Variants in DNAI2 observed in about 807,000 individuals in gnomAD.
DNAI2 encodes the protein dynein, axonemal, intermediate polypeptide 2.
A neutral mutation model predicts 74.7 loss-of-function variants in DNAI2; 63 were observed. The ratio of observed to expected loss-of-function variants is 0.84; its 90% CI spans 0.69 to 1.04. DNAI2 has a LOEUF of 1.04. Among genes scored for constraint, DNAI2 ranks in the 50% least tolerant of loss-of-function variants. The pLI is 0.00. For synonymous variants in DNAI2, 289 were observed against 314.9 expected, an observed-to-expected ratio of 0.92 and a Z score of 0.87; for missense variants, 688 against 803.2, an observed-to-expected ratio of 0.86 and a Z score of 1.73.
chr17:74,281,895 G>C lies in DNAI2; in HGVS notation c.78G>C (p.Glu26Asp), dbSNP rs372357313. Residue 26 changes from glutamate to aspartate, a missense_variant, in exon 2 of 14, where the codon GAG (glutamate) becomes GAC (aspartate). Transcript: ENST00000311014. ...GCAATTTCTCGGACCGCCAGGCCGA[G>C]CTGAACATCGACATCATGCCCAACC... ...KQCNFSDRQA[E>D]LNIDIMPNPE... 23 of 1,614,056 alleles carry C rather than the reference G, an allele frequency of 1.4e-5. No homozygotes were observed. Among genetic ancestry groups the C allele is most frequent in the Non-Finnish European group, 1.9e-5 (22 of 1,180,048 alleles).
chr17:74,278,907 C>A (rs1279818926), intron 1 of DNAI2, among the ~76,000 whole-genome samples: 2 of 152,252 alleles, frequency 1.3e-5, no homozygotes, highest in Non-Finnish European at 2.9e-5. Context: ...GTGGCTCACG[C>A]CTGTAATCCC....
chr17:74,280,907 C>G (rs1284583966), intron 1 of DNAI2, among the ~76,000 whole-genome samples: 1 of 151,690 alleles, frequency 6.6e-6, no homozygotes, highest in South Asian at 2.1e-4. Context: ...GGTAAAATGG[C>G]GAGACCCCAT....
intron 8 of DNAI2, among the ~76,000 whole-genome samples, chr17:74,302,342 C>A (rs377168200): frequency 6.6e-6 from 1 of 152,018 alleles, no homozygotes; most frequent in Non-Finnish European, 1.5e-5. Context: ...CCAAGGCGGG[C>A]GGATCACCTG....
At chr17:74,280,471 G>A (rs1024581677) in intron 1 of DNAI2, among the ~76,000 whole-genome samples, 1 of 152,194 alleles carries the variant, frequency 6.6e-6, no homozygotes, top group African/African-American at 2.4e-5. Flanking sequence ...TTTCCCAAAG[G>A]CCTCCATGTC....
At chr17:74,296,934 G>A (rs992484975) in intron 6 of DNAI2, among the ~76,000 whole-genome samples, 1 of 152,110 alleles carries the variant, frequency 6.6e-6, no homozygotes, top group Non-Finnish European at 1.5e-5. Flanking sequence ...ACATTCTCCC[G>A]ACTGCCCTAA....
Position 74,285,076 on chromosome 17 carries a change from G to A in DNAI2, c.220G>A (p.Val74Ile). The part of the protein sequence containing the change: ...SERFEMETRG[V>I]NHVEGGWPKD... The stretch of plus-strand genomic sequence containing the variant: ...GCGGTTTGAGATGGAGACCCGGGGA[G>A]TTAACCATGTCGAGGGGGGCTGGCC... The change falls in exon 3 of 14, where the codon GTT becomes ATT. Residue 74 changes from valine to isoleucine, a missense_variant. Val to Ile is a conservative substitution (Grantham distance 29). Coordinates refer to ENST00000311014, the MANE Select transcript of DNAI2 (RefSeq NM_023036.6). 1.2e-6 allele frequency: 2 copies of A among 1,614,224 alleles called. No individual in the cohort carries two copies. The highest frequency in any genetic ancestry group is 1.7e-6 in the Non-Finnish European group (2 of 1,180,044).
At chr17:74,309,771 T>G (rs1028364954) in intron 10 of DNAI2, 1 of 637,252 alleles carries the variant, frequency 1.6e-6, no homozygotes, top group Non-Finnish European at 2.8e-6. Flanking sequence ...CACGGAAGGG[T>G]GGGGGCATTG....
Position 74,305,358 on chromosome 17 carries a change from A to C in DNAI2, c.1127A>C (p.Tyr376Ser). ...TACGCCCTCCAGAGAAACCCCTTCTACCCGAAGAACTTCCTGACGGTTGGC... is the reference window on the plus strand; with the variant it reads ...TACGCCCTCCAGAGAAACCCCTTCTCCCCGAAGAACTTCCTGACGGTTGGC... ...PIYALQRNPF[Y>S]PKNFLTVGDW... Residue 376 changes from tyrosine to serine, a missense_variant, in exon 9 of 14, where the codon TAC (tyrosine) becomes TCC (serine). Transcript: ENST00000311014. 6.2e-7 allele frequency: 1 copy of C among 1,614,122 alleles called. No individual in the cohort carries two copies. The highest frequency in any genetic ancestry group is 1.1e-5 in the South Asian group (1 of 91,076).
intron 4 of DNAI2, 71 bp downstream of exon 4, chr17:74,287,169 CT>C: frequency 6.3e-7 from 1 of 1,592,984 alleles, no homozygotes; most frequent in Non-Finnish European, 8.6e-7. Flanking sequence ...CCAAAGGCAA[CT>C]CCTTGCCATC....
intron 2 of DNAI2, among the ~76,000 whole-genome samples, chr17:74,283,269 TTA>T (rs1184638812): frequency 1.3e-5 from 2 of 152,220 alleles, no homozygotes; most frequent in Non-Finnish European, 2.9e-5. Context: ...TTTAAAGTGG[TTA>T]TGTGGTAAAT....
intron 3 of DNAI2, among the ~76,000 whole-genome samples, chr17:74,285,695 G>A (rs889054994): frequency 6.6e-6 from 1 of 152,030 alleles, no homozygotes; most frequent in African/African-American, 2.4e-5. Context: ...GTCCATTGGA[G>A]GTCAAAGACA....
At chr17:74,281,459 T>G in intron 1 of DNAI2, 2 of 498,766 alleles carry the variant, frequency 4.0e-6, no homozygotes, top group East Asian at 3.2e-5. Context: ...GGTTTCACCA[T>G]GTTGGCCAGG....
chr17:74,274,734 A>G (rs1340768145), intron 1 of DNAI2, among the ~76,000 whole-genome samples: 1 of 152,208 alleles, frequency 6.6e-6, no homozygotes, highest in East Asian at 1.9e-4. Context: ...GGGCCCTTTA[A>G]GAGGAGAGCT....
In DNAI2 at chr17:74,310,026, G is replaced by C; in HGVS notation, c.1357G>C (p.Glu453Gln). The C allele has an allele frequency of 6.2e-7, 1 of 1,613,848 alleles. No individual in the cohort carries two copies. Among genetic ancestry groups the C allele is most frequent in the Non-Finnish European group, 8.5e-7 (1 of 1,180,034 alleles). Reference protein sequence around the residue: ...DPTLSLKVCDEALFCLRVQDN... With the variant: ...DPTLSLKVCDQALFCLRVQDN... ...CCGGCCCCTTCAATAGGTGTGTGACGAGGCCCTCTTCTGCCTCCGGGTGCA... is the reference window on the plus strand; with the variant it reads ...CCGGCCCCTTCAATAGGTGTGTGACCAGGCCCTCTTCTGCCTCCGGGTGCA... Residue 453 changes from glutamate to glutamine, a missense_variant, in exon 11 of 14, where the codon GAG becomes CAG. By Grantham distance (29) the Glu-to-Gln change is conservative. Transcript: ENST00000311014.
At chr17:74,311,978 GCTCT>G (rs554045040) in intron 11 of DNAI2, 21 bp from the exon 12 acceptor site, 150 of 1,609,840 alleles carry the variant, frequency 9.3e-5, no homozygotes, top group Non-Finnish European at 1.2e-4. Context: ...TCCCCACCGG[GCTCT>G]CTCTGTCCCT....
In DNAI2 at chr17:74,309,389, G is replaced by T. The variant is rs1567875399; in HGVS notation, c.1347+1G>T. ...GTGCGATCCCACCCTCAGCTTGAAG[G>T]TCACGCGCATGTCCCTCCTTGTGCA... On this transcript the variant is annotated splice_donor_variant, in intron 10 of 13. Transcript: ENST00000311014. LOFTEE classifies it high-confidence loss of function. The T allele has an allele frequency of 6.2e-7, 1 of 1,614,182 alleles. No homozygotes were observed. The highest frequency in any genetic ancestry group is 1.3e-5 in the African/African-American group (1 of 75,038).
chr17:74,277,241 G>A (rs2051133532), intron 1 of DNAI2, among the ~76,000 whole-genome samples: 1 of 152,070 alleles, frequency 6.6e-6, no homozygotes, highest in Non-Finnish European at 1.5e-5. Context: ...ACAAAAATTA[G>A]CCGCGAATGG....
At chr17:74,277,414 A>T (rs1213234212) in intron 1 of DNAI2, among the ~76,000 whole-genome samples, 1 of 151,884 alleles carries the variant, frequency 6.6e-6, no homozygotes, top group Non-Finnish European at 1.5e-5. Flanking sequence ...AAAAAGAAAA[A>T]AAGAAAGAAA....
At chr17:74,311,561 C>T (rs140339199) in intron 11 of DNAI2, among the ~76,000 whole-genome samples, 272 of 152,198 alleles carry the variant, frequency 1.8e-3, no homozygotes, top group African/African-American at 6.0e-3. Flanking sequence ...TGTGGTGAGC[C>T]GAGATCGTGC....
Sources: gnomAD v4.1 joint callset for allele counts (sites outside exome capture counted in the v4.1 genomes callset) on GRCh38, gnomAD v4.1.1 for gene constraint, MANE v1.5 for transcripts, NCBI Gene and HGNC (gene_info 2026-07-23, HGNC 2026-07-21) for gene names.